Variants in TYSND1 observed in about 807,000 individuals in gnomAD.
The protein encoded by TYSND1 is peroxisomal leader peptide-processing protease.
A neutral mutation model predicts 37.2 loss-of-function variants in TYSND1; 30 were observed. The observed-to-expected ratio is 0.81, with a 90% CI of 0.60 to 1.09. The LOEUF is 1.09. Among genes scored for constraint, TYSND1 ranks in the 50% least tolerant of loss-of-function variants. The pLI is 0.00. For synonymous variants in TYSND1, 364 were observed against 383.8 expected, an observed-to-expected ratio of 0.95 and a Z score of 0.60; for missense variants, 806 against 817.4, an observed-to-expected ratio of 0.99 and a Z score of 0.17.
chr10:70,146,572 C>A lies in TYSND1; in HGVS notation c.15G>T (p.Trp5Cys). ...GCTCGGCCGCCCTCATGGCAGACCCCCACTGCCTTCTCATGGCCTCTAGGC... is the reference window on the plus strand; with the variant it reads ...GCTCGGCCGCCCTCATGGCAGACCCACACTGCCTTCTCATGGCCTCTAGGC... MRRQ[W>C]GSAMRAAEQA... Residue 5 changes from tryptophan to cysteine, a missense_variant, in exon 1 of 4, where the codon TGG (tryptophan) becomes TGT (cysteine). This residue lies in a region of TYSND1 where 84 missense variants were observed against 79.0 expected (regional missense o/e 1.06). Coordinates refer to ENST00000287078, the MANE Select transcript of TYSND1 (RefSeq NM_173555.4). 6.4e-7 allele frequency: 1 copy of A among 1,565,706 alleles called. No individual in the cohort carries two copies.
rs1322394663 is a variant in TYSND1 at position 70,146,014 on chromosome 10, C to T, written c.573G>A (p.Arg191=). Residue 191 remains arginine, a synonymous_variant, in exon 1 of 4, where the codon CGG becomes CGA. Coordinates refer to ENST00000287078, the MANE Select transcript of TYSND1 (RefSeq NM_173555.4). ...CCTCCTCCACCTCCTCCTGGCCTAG[C>T]CGCACGCCCAGCAGCGCAAACCAGC... ...ALGWFALLGV[R]LGQEEVEEER... is the part of the protein sequence containing the mutation. 1 of 1,596,940 alleles carries T rather than the reference C, an allele frequency of 6.3e-7. No individual in the cohort carries two copies. Among genetic ancestry groups the T allele is most frequent in the African/African-American group, 1.3e-5 (1 of 74,482 alleles).
chr10:70,142,050 AAG>A (rs1347120665), intron 3 of TYSND1, among the ~76,000 whole-genome samples: 1 of 152,260 alleles, frequency 6.6e-6, no homozygotes, highest in African/African-American at 2.4e-5. Context: ...CTACAGGAGA[AAG>A]AAGAAACAAG....
chr10:70,141,873 C>T (rs2072782015), intron 3 of TYSND1, among the ~76,000 whole-genome samples: 1 of 152,272 alleles, frequency 6.6e-6, no homozygotes, highest in South Asian at 2.1e-4. Flanking sequence ...CCACACCAGG[C>T]CTAGACTTAT....
intron 3 of TYSND1, among the ~76,000 whole-genome samples, chr10:70,141,950 T>C (rs1454227214): frequency 6.6e-6 from 1 of 152,156 alleles, no homozygotes. Context: ...AGAGGAAATA[T>C]ACTAAAGTTA....
At chr10:70,144,570 T>A in intron 1 of TYSND1, 1 of 987,050 alleles carries the variant, frequency 1.0e-6, no homozygotes, top group Non-Finnish European at 1.2e-6. Flanking sequence ...CTTAGACAGG[T>A]TAAGTGACTT....
chr10:70,143,118 G>A (rs1041595821), intron 2 of TYSND1, among the ~76,000 whole-genome samples: 5 of 152,162 alleles, frequency 3.3e-5, no homozygotes, highest in Admixed American at 2.0e-4. Flanking sequence ...CTGGACAGGC[G>A]GGGCAGTGAC....
intron 3 of TYSND1, among the ~76,000 whole-genome samples, chr10:70,140,516 A>AATG (rs2072750649): frequency 9.0e-5 from 1 of 11,150 alleles, no homozygotes; most frequent in African/African-American, 1.9e-4. Flanking sequence ...TGAATGAATG[A>AATG]ATGAATGAAT....
chr10:70,143,863 G>A lies in TYSND1; in HGVS notation c.1276C>T (p.Pro426Ser). The A allele has an allele frequency of 1.9e-6, 3 of 1,614,162 alleles. No individual in the cohort carries two copies. Among genetic ancestry groups the A allele is most frequent in the Non-Finnish European group, 2.5e-6 (3 of 1,180,026 alleles). The change falls in exon 2 of 4, where the codon CCC becomes TCC. Residue 426 changes from proline (P) to serine (S), a missense_variant. Transcript: ENST00000287078. ...EDLDDVPIPVPAEHFHEGEAV... is the reference protein window; with the variant it reads ...EDLDDVPIPVSAEHFHEGEAV... ...TTACCTTCATGGAAGTGCTCAGCGG[G>A]CACAGGGATGGGGACATCATCCAGG...
At position 70,145,430 on chromosome 10, in the gene TYSND1, G is replaced by C. The variant is rs1249627144; in HGVS notation, c.1157C>G (p.Thr386Ser). ...AGCCCTGCGGGCTTACTTGGGGGTG[G>C]TGGAGCGCACCAGGACCCTGGCTGC... is the stretch of plus-strand genomic sequence containing the variant. ...REAARVLVRS[T>S]TPKSVAIWGR... is the part of the protein sequence containing the mutation. Residue 386 changes from threonine to serine, a missense_variant, in exon 1 of 4, where the codon ACC becomes AGC. Thr to Ser is a moderately conservative substitution (Grantham distance 58). Around this residue, in one of 3 missense-constraint regions of TYSND1, gnomAD observed 708 missense variants for 705.4 expected, o/e 1.00. Transcript: ENST00000287078. 7.0e-7 allele frequency: 1 copy of C among 1,435,386 alleles called. No homozygotes were observed. 88.9% of individuals were successfully genotyped at this position (1,435,386 alleles called of 1,614,324 possible). A position where few individuals can be genotyped will look rare whatever the true frequency, so the allele number is the denominator to read the frequency against.
rs1390734662 is a variant in TYSND1, at chr10:70,145,810, G to A, written c.777C>T (p.Pro259=). ...PLLLTDARCL[P]GTEGGGVFTA... ...TGAACACGCCGCCGCCCTCGGTGCC[G>A]GGCAGGCAGCGTGCGTCGGTAAGCA... is the stretch of plus-strand genomic sequence containing the variant. Residue 259 remains proline, a synonymous_variant, in exon 1 of 4, where the codon CCC becomes CCT. Transcript: ENST00000287078. 2 of 1,521,814 alleles carry A rather than the reference G, an allele frequency of 1.3e-6. No individual in the cohort carries two copies. Among genetic ancestry groups the A allele is most frequent in the South Asian group, 1.2e-5 (1 of 82,232 alleles). The allele number at this position is 1,521,814 out of a possible 1,614,324, so 94.3% of individuals were successfully genotyped here.
At chr10:70,142,412 A>C (rs879676901) in intron 3 of TYSND1, among the ~76,000 whole-genome samples, 26 of 151,876 alleles carry the variant, frequency 1.7e-4, no homozygotes, top group Middle Eastern at 3.4e-3. Context: ...GACTAATCCA[A>C]CTCCTCAATT....
intron 2 of TYSND1, among the ~76,000 whole-genome samples, chr10:70,143,249 T>C (rs370107987): frequency 3.9e-4 from 60 of 152,228 alleles, no homozygotes; most frequent in African/African-American, 1.3e-3. Flanking sequence ...ATGGCTATAA[T>C]GCAGCCATGA....
intron 3 of TYSND1, among the ~76,000 whole-genome samples, chr10:70,141,363 G>C (rs2072771646): frequency 6.6e-6 from 1 of 151,540 alleles, no homozygotes; most frequent in Non-Finnish European, 1.5e-5. Context: ...GGGCTCAAGT[G>C]ATCTTCCCAC....
chr10:70,145,049 C>T (rs1053933771), intron 1 of TYSND1, among the ~76,000 whole-genome samples: 1 of 152,174 alleles, frequency 6.6e-6, no homozygotes, highest in African/African-American at 2.4e-5. Flanking sequence ...AGAGGAGAAG[C>T]AGCAGGGTTA....
chr10:70,142,957 C>G, intron 2 of TYSND1, 104 bp from the exon 3 acceptor site: 1 of 1,331,076 alleles, frequency 7.5e-7, no homozygotes, highest in South Asian at 1.4e-5. Flanking sequence ...CCAAACCTCT[C>G]CACCCTTCAA....
rs959123745 is a variant in TYSND1 at position 70,138,363 on chromosome 10, A to C, written c.*1561T>G. On this transcript the variant is annotated 3_prime_UTR_variant, in exon 4 of 4. Transcript: ENST00000287078. ...ACAAGGACTATGAGAGTTACGAGTC[A>C]GGAATGCTGGATGAAAACCAATATA... is the stretch of plus-strand genomic sequence containing the variant. The C allele has an allele frequency of 1.3e-5, 2 of 152,296 alleles. No individual in the cohort carries two copies. Among genetic ancestry groups the C allele is most frequent in the Non-Finnish European group, 2.9e-5 (2 of 68,064 alleles). The allele number at this position is 152,296 out of a possible 1,614,324, so 9.4% of individuals were successfully genotyped here. A position where few individuals can be genotyped will look rare whatever the true frequency, so the allele number is the denominator to read the frequency against.
chr10:70,143,799 G>T, intron 2 of TYSND1, 43 bp downstream of exon 2: 1 of 1,610,964 alleles, frequency 6.2e-7, no homozygotes, highest in Non-Finnish European at 8.5e-7. Flanking sequence ...GCCCACCCTA[G>T]CTCAGAGGGG....
chr10:70,145,376 T>G, intron 1 of TYSND1, 45 bp downstream of exon 1: 7 of 1,361,364 alleles, frequency 5.1e-6, no homozygotes, highest in Non-Finnish European at 6.6e-6. Context: ...GACCCAGATC[T>G]GAGACCTGGA....
chr10:70,139,529 A>G lies in TYSND1; in HGVS notation c.*395T>C, dbSNP rs187161211. On this transcript the variant is annotated 3_prime_UTR_variant, in exon 4 of 4. Coordinates refer to ENST00000287078, the MANE Select transcript of TYSND1 (RefSeq NM_173555.4). ...CAGACAGGAGCCAAGGCCCCATTGA[A>G]GCTCCAGGATGACGATGGCCCTCAG... 16 of 166,160 alleles carry G rather than the reference A, an allele frequency of 9.6e-5. No homozygotes were observed. In the East Asian group the frequency reaches 2.7e-3, roughly 28 times the overall value. 10.3% of individuals were successfully genotyped at this position (166,160 alleles called of 1,614,324 possible). A position where few individuals can be genotyped will look rare whatever the true frequency, so the allele number is the denominator to read the frequency against.
Sources: gnomAD v4.1 joint callset for allele counts (sites outside exome capture counted in the v4.1 genomes callset) on GRCh38, gnomAD v4.1.1 for gene constraint, gnomAD v4.1.1 regional missense constraint, MANE v1.5 for transcripts, NCBI Gene and HGNC (gene_info 2026-07-23, HGNC 2026-07-21) for gene names.